The following MCFD2 variants were observed in gnomAD, a reference collection of about 807,000 sequenced individuals.
MCFD2 encodes multiple coagulation factor deficiency protein 2.
MCFD2 carries 11 observed loss-of-function variants against 12.8 expected under a neutral mutation model. The observed-to-expected ratio is 0.86, with a 90% confidence interval of 0.54 to 1.42. The LOEUF is 1.42. Among genes scored for constraint, MCFD2 ranks in the 40% most tolerant of loss-of-function variants. The pLI is 0.00. For missense variants in MCFD2, 191 were observed against 178.6 expected (o/e 1.07, Z -0.40); for synonymous variants, 70 against 68.1 (o/e 1.03, Z -0.14).
At chr2:46,905,724 A>G in intron 3 of MCFD2, 130 bp from the exon 4 acceptor site, 3 of 1,002,996 alleles carry the variant, frequency 3.0e-6, no homozygotes, top group Non-Finnish European at 4.5e-6. Flanking sequence ...AAGGAAAAAC[A>G]AAACAACAAA....
At chr2:46,905,972 C>T (rs1200585147) in intron 3 of MCFD2, 1 of 474,266 alleles carries the variant, frequency 2.1e-6, no homozygotes, top group South Asian at 1.5e-5. Context: ...CAGCTCTGTG[C>T]ACAAATTTGC....
In MCFD2 at chr2:46,903,201, AT is replaced by A; in HGVS notation, c.*2261del. ...GGGTTTCTGCTTTTGCTTCTTCCTC[AT>A]TTTTTCTTGCCACAATGTAAGAAGT... On this transcript the variant is annotated 3_prime_UTR_variant, in exon 4 of 4. Coordinates refer to ENST00000319466, the MANE Select transcript of MCFD2 (RefSeq NM_139279.6). 1.3e-5 allele frequency: 2 copies of A among 153,640 alleles called. No homozygotes were observed. The highest frequency in any genetic ancestry group is 1.4e-5 in the Non-Finnish European group (1 of 69,354). 9.5% of individuals were successfully genotyped at this position (153,640 alleles called of 1,614,324 possible).
intron 3 of MCFD2, chr2:46,905,846 A>C (rs1467683479): frequency 2.0e-5 from 12 of 587,890 alleles, no homozygotes; most frequent in Non-Finnish European, 3.3e-5. Flanking sequence ...ATCATAATCC[A>C]GTTTAGAAAT....
chr2:46,904,874 A>G lies in MCFD2; in HGVS notation c.*589T>C, dbSNP rs1668152825. The stretch of plus-strand genomic sequence containing the variant: ...TTGGAGGGGCCAGGGGTAGAATGAT[A>G]TGGTTTGGCTATGTCCCCACCCAAA... On this transcript the variant is annotated 3_prime_UTR_variant, in exon 4 of 4. Transcript: ENST00000319466. The G allele has an allele frequency of 5.6e-6, 1 of 177,924 alleles. No individual in the cohort carries two copies. The highest frequency in any genetic ancestry group is 5.4e-5 in the Admixed American group (1 of 18,390). The allele number at this position is 177,924 out of a possible 1,614,324, so 11.0% of individuals were successfully genotyped here.
Position 46,911,359 on chromosome 2 carries a change from C to T in MCFD2, c.-6-2182G>A, listed in dbSNP as rs1012844610. 1.5e-4 allele frequency among the ~76,000 whole-genome samples: 22 copies of T among 151,370 alleles called. 1 individual carries two copies. The highest frequency in any genetic ancestry group is 1.5e-5 in the Non-Finnish European group (1 of 67,856). The stretch of plus-strand genomic sequence containing the variant: ...GCCAGGCTGATCTCGAACTCCAGAC[C>T]TCAGGTGATCCACCCGCCTCGGCCT... On this transcript the variant is annotated intron_variant, in intron 1 of 3. Coordinates refer to ENST00000319466, the MANE Select transcript of MCFD2 (RefSeq NM_139279.6).
At chr2:46,923,572 T>G (rs1669222207) in intron 1 of MCFD2, among the ~76,000 whole-genome samples, 1 of 152,148 alleles carries the variant, frequency 6.6e-6, no homozygotes, top group African/African-American at 2.4e-5. Flanking sequence ...AACACAAAAT[T>G]TCTTCCCTTG....
rs532568910 is a variant in MCFD2 at position 46,923,970 on chromosome 2, A to G, written c.-7-16001T>C. On this transcript the variant is annotated intron_variant, in intron 1 of 2. Transcript: ENST00000409147. ...AGGCTGGTCTCGAACTCCTGACCTC[A>G]GGTGATCCACCCGCCTCGGCCTCCC... Among the ~76,000 whole-genome samples the G allele has an allele frequency of 1.7e-3, 264 of 152,168 alleles. 2 individuals carry two copies. The highest frequency in any genetic ancestry group is 6.0e-3 in the African/African-American group (251 of 41,520).
chr2:46,917,906 CT>C (rs1668899235), upstream of MCFD2, among the ~76,000 whole-genome samples: 1 of 152,216 alleles, frequency 6.6e-6, no homozygotes, highest in Non-Finnish European at 1.5e-5. Flanking sequence ...CTTTCTTGGG[CT>C]TCTTAATTGG....
chr2:46,940,624 A>G lies in MCFD2; in HGVS notation c.-8+948T>C, dbSNP rs1670247594. 6.6e-6 allele frequency among the ~76,000 whole-genome samples: 1 copy of G among 152,276 alleles called. No homozygotes were observed. Among genetic ancestry groups the G allele is most frequent in the African/African-American group, 2.4e-5 (1 of 41,478 alleles). On this transcript the variant is annotated intron_variant, in intron 1 of 2. Coordinates refer to the MCFD2 transcript ENST00000409147. The surrounding 1 kb of genome is among the most constrained non-coding windows in gnomAD (Gnocchi z 4.7). Reference sequence around the variant, plus strand: ...GCCTTTAAGAAATCCAGGGCAACAGAGATTCCACAGAGGACAGGTCAACGG... The same window carrying G: ...GCCTTTAAGAAATCCAGGGCAACAGGGATTCCACAGAGGACAGGTCAACGG...
intron 1 of MCFD2, among the ~76,000 whole-genome samples, chr2:46,923,262 C>A (rs1417208669): frequency 6.6e-6 from 1 of 152,196 alleles, no homozygotes; most frequent in Non-Finnish European, 1.5e-5. Flanking sequence ...TCAACTTAAC[C>A]TTCAGCCCCT....
chr2:46,927,403 C>G (rs939257440), intron 1 of MCFD2, among the ~76,000 whole-genome samples: 6 of 144,988 alleles, frequency 4.1e-5, no homozygotes, highest in Admixed American at 1.4e-4. Flanking sequence ...GTTGCCCAGG[C>G]TGGAGTGCAG....
At chr2:46,928,457 A>AT (rs201668321) in intron 1 of MCFD2, among the ~76,000 whole-genome samples, 77 of 133,326 alleles carry the variant, frequency 5.8e-4, no homozygotes, top group Non-Finnish European at 5.3e-4. Flanking sequence ...GGAAAGGGAA[A>AT]TTAAAAAAAA....
At position 46,904,121 on chromosome 2, in the gene MCFD2, A is replaced by C. The variant is rs1282577850; in HGVS notation, c.*1342T>G. The stretch of plus-strand genomic sequence containing the variant: ...GCTGTTAAGCCTGCAGGTGCACAGA[A>C]GTCAAGAATTGAGATTTGGAAACCT... On this transcript the variant is annotated 3_prime_UTR_variant, in exon 4 of 4. Coordinates refer to ENST00000319466, the MANE Select transcript of MCFD2 (RefSeq NM_139279.6). 4 of 152,306 alleles carry C rather than the reference A, an allele frequency of 2.6e-5. No individual in the cohort carries two copies. Among genetic ancestry groups the C allele is most frequent in the African/African-American group, 9.6e-5 (4 of 41,480 alleles). The allele number at this position is 152,306 out of a possible 1,614,324, so 9.4% of individuals were successfully genotyped here. A position where few individuals can be genotyped will look rare whatever the true frequency, so the allele number is the denominator to read the frequency against.
intron 1 of MCFD2, among the ~76,000 whole-genome samples, chr2:46,938,997 C>A (rs1381452565): frequency 7.2e-6 from 1 of 138,066 alleles, no homozygotes; most frequent in African/African-American, 2.8e-5. Context: ...GGCAACAGAG[C>A]GAGACTCTGT....
At chr2:46,913,452 C>G (rs542006100) in intron 1 of MCFD2, among the ~76,000 whole-genome samples, 1 of 152,168 alleles carries the variant, frequency 6.6e-6, no homozygotes, top group South Asian at 2.1e-4. Flanking sequence ...AGATAGAAAA[C>G]AGGGAATCTA....
chr2:46,941,479 A>G lies in MCFD2; in HGVS notation c.-8+93T>C. The G allele has an allele frequency of 4.6e-6, 7 of 1,516,076 alleles. No individual in the cohort carries two copies. Among genetic ancestry groups the G allele is most frequent in the Non-Finnish European group, 6.2e-6 (7 of 1,129,664 alleles). 93.9% of individuals were successfully genotyped at this position (1,516,076 alleles called of 1,614,324 possible). A position where few individuals can be genotyped will look rare whatever the true frequency, so the allele number is the denominator to read the frequency against. On this transcript the variant is annotated intron_variant, in intron 1 of 2. Coordinates refer to the MCFD2 transcript ENST00000409147. This position sits in a 1 kb window ranked among gnomAD's most constrained non-coding sequence, Gnocchi z 4.2. The stretch of plus-strand genomic sequence containing the variant: ...CGCCCGCGAGTGCGCCCCAGCCAGG[A>G]CGCCGCCCCCGGCCGGGTCTCCACT...
upstream of MCFD2, among the ~76,000 whole-genome samples, chr2:46,919,592 C>G (rs1668993269): frequency 2.6e-5 from 4 of 152,100 alleles, no homozygotes; most frequent in Admixed American, 2.6e-4. Flanking sequence ...TGAAATTGAT[C>G]AGAAGTCTAA....
intron 1 of MCFD2, among the ~76,000 whole-genome samples, chr2:46,927,260 G>T (rs191483323): frequency 8.7e-5 from 13 of 149,862 alleles, no homozygotes; most frequent in Admixed American, 8.0e-4. Context: ...CAAATCCCAA[G>T]CAAAGTTAAT....
chr2:46,910,067 A>G (rs962702839), intron 1 of MCFD2, among the ~76,000 whole-genome samples: 1 of 152,212 alleles, frequency 6.6e-6, no homozygotes, highest in African/African-American at 2.4e-5. Flanking sequence ...AACAGTGGCA[A>G]GTAACTACAG....
Sources: allele counts gnomAD v4.1 joint callset (sites outside exome capture counted in the v4.1 genomes callset), GRCh38; gene constraint gnomAD v4.1.1; non-coding constraint Gnocchi (gnomAD v3.1); transcripts MANE v1.5; gene names NCBI Gene and HGNC (gene_info 2026-07-23, HGNC 2026-07-21).